Variants in GRID2 observed in about 807,000 individuals in gnomAD.
GRID2 encodes the protein glutamate ionotropic receptor delta type subunit 2, also known as glutamate receptor ionotropic, delta-2.
In GRID2, 33 loss-of-function variants were observed where a neutral mutation model predicts 114.8. That is an observed-to-expected ratio of 0.29 (90% confidence interval 0.22 to 0.38). GRID2 has a LOEUF of 0.38. GRID2 is among the 10% of genes least tolerant of loss of function. The probability of loss-of-function intolerance (pLI) is 1.00; values close to 1 mark genes in which losing one functional copy is unlikely to be tolerated. For missense variants in GRID2, 1,184 were observed against 1,257.7 expected, an observed-to-expected ratio of 0.94 and a Z score of 0.89; for synonymous variants, 505 against 449.9, an observed-to-expected ratio of 1.12 and a Z score of -1.55.
chr4:92,776,383 G>A (rs1444707879), intron 2 of GRID2, among the ~76,000 whole-genome samples: 1 of 151,906 alleles, frequency 6.6e-6, no homozygotes, highest in Non-Finnish European at 1.5e-5. Flanking sequence ...ATTTTCCTTT[G>A]ACACAAAAAT....
At chr4:93,388,434 C>A (rs537503709) in intron 8 of GRID2, among the ~76,000 whole-genome samples, 1 of 152,088 alleles carries the variant, frequency 6.6e-6, no homozygotes, top group African/African-American at 2.4e-5. Context: ...ACTCCCCTAG[C>A]GGTTCTGATA....
At chr4:92,369,379 T>C (rs1729015151) in intron 1 of GRID2, among the ~76,000 whole-genome samples, 1 of 152,106 alleles carries the variant, frequency 6.6e-6, no homozygotes, top group African/African-American at 2.4e-5. Flanking sequence ...CATAACCAAT[T>C]CAATTGTTAA....
downstream of GRID2, among the ~76,000 whole-genome samples, chr4:93,776,032 A>C (rs193083712): frequency 6.6e-6 from 1 of 152,304 alleles, no homozygotes; most frequent in Non-Finnish European, 1.5e-5. Context: ...TATAATCAGA[A>C]TTTTCCAATG....
At chr4:92,538,978 C>T (rs889832155) in intron 1 of GRID2, among the ~76,000 whole-genome samples, 1 of 150,164 alleles carries the variant, frequency 6.7e-6, no homozygotes, top group Non-Finnish European at 1.5e-5. Flanking sequence ...GGAGGCGCAG[C>T]TTGCAGTGAG....
intron 1 of GRID2, among the ~76,000 whole-genome samples, chr4:92,407,180 C>T (rs1254116297): frequency 6.6e-6 from 1 of 152,058 alleles, no homozygotes; most frequent in East Asian, 1.9e-4. Flanking sequence ...GAAACTGCCC[C>T]CATAATCCGA....
At chr4:93,313,774 G>A (rs193157079) in intron 8 of GRID2, among the ~76,000 whole-genome samples, 14 of 152,126 alleles carry the variant, frequency 9.2e-5, no homozygotes, top group Non-Finnish European at 1.3e-4. Context: ...TGCAAAGAGC[G>A]AGAGGAAACT....
At chr4:92,353,399 A>T (rs1292190198) in intron 1 of GRID2, among the ~76,000 whole-genome samples, 1 of 151,850 alleles carries the variant, frequency 6.6e-6, no homozygotes, top group African/African-American at 2.4e-5. Flanking sequence ...TTTATACACT[A>T]TGAGGTTATT....
At chr4:93,317,356 T>C (rs1025777614) in intron 8 of GRID2, among the ~76,000 whole-genome samples, 1 of 152,006 alleles carries the variant, frequency 6.6e-6, no homozygotes, top group Non-Finnish European at 1.5e-5. Flanking sequence ...CTTTTAGTCA[T>C]TTTGGCTTAT....
At chr4:92,985,343 C>A (rs1290170830) in intron 2 of GRID2, among the ~76,000 whole-genome samples, 1 of 151,742 alleles carries the variant, frequency 6.6e-6, no homozygotes, top group Non-Finnish European at 1.5e-5. Flanking sequence ...TCTGCCTCAG[C>A]CTCAGCTGAG....
At chr4:93,753,436 T>C (rs1732493690) in intron 14 of GRID2, among the ~76,000 whole-genome samples, 2 of 152,310 alleles carry the variant, frequency 1.3e-5, no homozygotes, top group South Asian at 4.1e-4. Flanking sequence ...GTTGGTGTGC[T>C]GCACCCATTA....
chr4:92,411,630 T>C (rs1054575514), intron 1 of GRID2, among the ~76,000 whole-genome samples: 5 of 85,908 alleles, frequency 5.8e-5, no homozygotes, highest in Non-Finnish European at 1.3e-4. Context: ...TATGCATGTG[T>C]GTGTGTGTGT....
At chr4:93,507,069 A>C (rs1728705909) in intron 12 of GRID2, among the ~76,000 whole-genome samples, 1 of 152,192 alleles carries the variant, frequency 6.6e-6, no homozygotes, top group South Asian at 2.1e-4. Flanking sequence ...TTAAAATAGG[A>C]AACTTAGTGC....
chr4:92,807,086 C>G (rs1041530021), intron 2 of GRID2, among the ~76,000 whole-genome samples: 1 of 151,838 alleles, frequency 6.6e-6, no homozygotes, highest in African/African-American at 2.4e-5. Context: ...CATATTCATC[C>G]AATATTGTTC....
chr4:92,916,581 A>G (rs773383578), intron 2 of GRID2, among the ~76,000 whole-genome samples: 2 of 152,012 alleles, frequency 1.3e-5, no homozygotes, highest in Admixed American at 6.6e-5. Context: ...TCATTATTCA[A>G]TTCCCACCTA....
At chr4:92,868,066 TTCTG>T (rs1194588659) in intron 2 of GRID2, among the ~76,000 whole-genome samples, 3,332 of 123,118 alleles carry the variant, frequency 0.027, 121 homozygotes, top group African/African-American at 0.075. Flanking sequence ...CTTTCTTTCT[TTCTG>T]TCTGTCTGTC....
intron 2 of GRID2, among the ~76,000 whole-genome samples, chr4:92,954,331 C>G (rs751547893): frequency 4.6e-5 from 7 of 152,088 alleles, no homozygotes; most frequent in Non-Finnish European, 8.8e-5. Context: ...TCCAAATTTC[C>G]CCAGTTATAC....
intron 2 of GRID2, among the ~76,000 whole-genome samples, chr4:93,028,127 T>C (rs1724050716): frequency 6.6e-6 from 1 of 152,136 alleles, no homozygotes; most frequent in Non-Finnish European, 1.5e-5. Flanking sequence ...AGTACTGTTT[T>C]AGGCATGAGA....
At chr4:93,590,915 G>C (rs1204319202) in intron 13 of GRID2, among the ~76,000 whole-genome samples, 1 of 151,092 alleles carries the variant, frequency 6.6e-6, no homozygotes, top group Non-Finnish European at 1.5e-5. Context: ...TGTATCCTGA[G>C]ACTTTGCTGA....
chr4:92,584,383 A>C (rs1728324811), intron 1 of GRID2, among the ~76,000 whole-genome samples: 2 of 152,014 alleles, frequency 1.3e-5, no homozygotes, highest in Non-Finnish European at 2.9e-5. Context: ...AATTAAATTA[A>C]AAACTCACTT....
Sources: gnomAD v4.1 joint callset for allele counts (sites outside exome capture counted in the v4.1 genomes callset) on GRCh38, gnomAD v4.1.1 for gene constraint, MANE v1.5 for transcripts, NCBI Gene and HGNC (gene_info 2026-07-23, HGNC 2026-07-21) for gene names.